Variants in RPS6KC1 observed in about 807,000 individuals in gnomAD.
RPS6KC1 encodes the protein ribosomal protein S6 kinase C1, also known as inactive ribosomal protein S6 kinase delta-1.
Under a neutral mutation model 103.8 loss-of-function variants are expected in RPS6KC1, and 54 were observed. The observed-to-expected ratio is 0.52, with a 90% CI of 0.42 to 0.65. RPS6KC1 has a LOEUF of 0.65. Ranked by LOEUF, RPS6KC1 falls within the 30% of genes least tolerant of loss-of-function variation. The pLI, the probability that RPS6KC1 is intolerant of heterozygous loss-of-function variation, is 0.00. For missense variants in RPS6KC1, 1,151 were observed against 1,253.8 expected, an observed-to-expected ratio of 0.92 and a Z score of 1.24; for synonymous variants, 439 against 438.7, an observed-to-expected ratio of 1.00 and a Z score of -0.01.
At chr1:213,286,684 A>G in the RPS6KC1 span, among the ~76,000 whole-genome samples, 2 of 152,236 alleles carry the variant, frequency 1.3e-5, no homozygotes, top group African/African-American at 4.8e-5. Context: ...CAGCTACAGA[A>G]TGAAAAAGAA....
At chr1:213,056,022 G>A (rs1160805279) in intron 1 of RPS6KC1, among the ~76,000 whole-genome samples, 1 of 152,136 alleles carries the variant, frequency 6.6e-6, no homozygotes, top group Non-Finnish European at 1.5e-5. Context: ...TCCCTCCTCA[G>A]CCTATTGCCT....
At chr1:213,157,486 C>T (rs944955261) in intron 6 of RPS6KC1, among the ~76,000 whole-genome samples, 7 of 152,066 alleles carry the variant, frequency 4.6e-5, no homozygotes, top group East Asian at 1.9e-4. Context: ...GGATTACAGA[C>T]GTGAGCCACC....
At chr1:213,312,195 T>A in the RPS6KC1 span, among the ~76,000 whole-genome samples, 1 of 151,984 alleles carries the variant, frequency 6.6e-6, no homozygotes, top group East Asian at 1.9e-4. Context: ...TGTCCAGCCA[T>A]CAGGAGGAGC....
intron 1 of RPS6KC1, among the ~76,000 whole-genome samples, chr1:213,066,878 A>G (rs2078378693): frequency 6.6e-6 from 1 of 152,192 alleles, no homozygotes. Context: ...GAGGCCCCCA[A>G]ATAACTAAGC....
the RPS6KC1 span, among the ~76,000 whole-genome samples, chr1:213,442,992 T>C: frequency 6.6e-6 from 1 of 151,812 alleles, no homozygotes; most frequent in South Asian, 2.1e-4. Flanking sequence ...AACAAGAGCA[T>C]TGGGGTGTCT....
chr1:213,716,390 C>G, the RPS6KC1 span, among the ~76,000 whole-genome samples: 1 of 152,162 alleles, frequency 6.6e-6, no homozygotes, highest in African/African-American at 2.4e-5. Flanking sequence ...CATTCAGTCT[C>G]CTGGAAACTC....
At chr1:213,298,673 T>C in the RPS6KC1 span, among the ~76,000 whole-genome samples, 9 of 152,164 alleles carry the variant, frequency 5.9e-5, no homozygotes, top group Admixed American at 3.3e-4. Context: ...TTCTATAAAG[T>C]TTTCTTTCAG....
chr1:213,307,331 G>GT, the RPS6KC1 span, among the ~76,000 whole-genome samples: 1 of 151,962 alleles, frequency 6.6e-6, no homozygotes, highest in Admixed American at 6.5e-5. Context: ...GATTACAAGC[G>GT]TGAGTCGCCG....
intron 12 of RPS6KC1, among the ~76,000 whole-genome samples, chr1:213,247,663 A>T (rs767862289): frequency 4.6e-5 from 7 of 152,278 alleles, no homozygotes; most frequent in Non-Finnish European, 1.0e-4. Context: ...GACCTCGGGA[A>T]ATTTATTTAA....
chr1:213,776,365 G>A, the RPS6KC1 span, among the ~76,000 whole-genome samples: 2 of 151,804 alleles, frequency 1.3e-5, no homozygotes, highest in African/African-American at 4.8e-5. Context: ...TCTATGGGCT[G>A]CAGAATGGAT....
the RPS6KC1 span, among the ~76,000 whole-genome samples, chr1:213,669,903 C>T: frequency 3.7e-4 from 56 of 152,258 alleles, no homozygotes; most frequent in African/African-American, 1.2e-3. Flanking sequence ...CTTTTCTCAG[C>T]CCAGTCTGGC....
intron 12 of RPS6KC1, among the ~76,000 whole-genome samples, chr1:213,260,833 C>T (rs1216045893): frequency 6.7e-6 from 1 of 150,358 alleles, no homozygotes; most frequent in East Asian, 1.9e-4. Flanking sequence ...CACCTGAAAA[C>T]TCAAATTACA....
At chr1:213,465,800 C>T in the RPS6KC1 span, among the ~76,000 whole-genome samples, 4 of 152,118 alleles carry the variant, frequency 2.6e-5, no homozygotes, top group South Asian at 2.1e-4. Context: ...ATTTTCTTAT[C>T]TATTAAATAT....
At chr1:213,612,552 T>C in the RPS6KC1 span, among the ~76,000 whole-genome samples, 2 of 152,216 alleles carry the variant, frequency 1.3e-5, no homozygotes, top group African/African-American at 4.8e-5. Context: ...TAAAAGGTAA[T>C]TGAGAAAATG....
At chr1:213,609,106 A>G in the RPS6KC1 span, among the ~76,000 whole-genome samples, 1 of 152,256 alleles carries the variant, frequency 6.6e-6, no homozygotes, top group Non-Finnish European at 1.5e-5. Context: ...CCTTAATTCT[A>G]CTATCCAAAG....
the RPS6KC1 span, among the ~76,000 whole-genome samples, chr1:213,536,223 G>A: frequency 1.3e-4 from 20 of 152,136 alleles, no homozygotes; most frequent in African/African-American, 4.8e-4. Context: ...ATAAAACGGA[G>A]TAAATGATCC....
At chr1:213,624,809 TCTC>T in the RPS6KC1 span, among the ~76,000 whole-genome samples, 3 of 152,092 alleles carry the variant, frequency 2.0e-5, no homozygotes, top group African/African-American at 7.2e-5. Flanking sequence ...AGGGCACTAA[TCTC>T]CTTCATGAAG....
the RPS6KC1 span, among the ~76,000 whole-genome samples, chr1:213,615,322 G>A: frequency 6.6e-6 from 1 of 152,230 alleles, no homozygotes; most frequent in Non-Finnish European, 1.5e-5. Context: ...AGCAGCACAT[G>A]GAAGGAACAG....
At chr1:213,528,139 A>G in the RPS6KC1 span, among the ~76,000 whole-genome samples, 2 of 152,174 alleles carry the variant, frequency 1.3e-5, no homozygotes, top group Non-Finnish European at 2.9e-5. Flanking sequence ...CACTGCTAAT[A>G]AAGACATACC....
Sources: gnomAD v4.1 joint callset for allele counts (sites outside exome capture counted in the v4.1 genomes callset) on GRCh38, gnomAD v4.1.1 for gene constraint, MANE v1.5 for transcripts, NCBI Gene and HGNC (gene_info 2026-07-23, HGNC 2026-07-21) for gene names.